The following ARHGAP24 variants were observed in gnomAD, a reference collection of about 807,000 sequenced individuals.
The protein encoded by ARHGAP24 is Rho GTPase activating protein 24, also known as rho GTPase-activating protein 24.
Under a neutral mutation model 76.4 loss-of-function variants are expected in ARHGAP24, and 50 were observed. That is an observed-to-expected ratio of 0.65 (90% confidence interval 0.52 to 0.83). The LOEUF (loss-of-function observed/expected upper bound fraction) is 0.83. Among genes scored for constraint, ARHGAP24 ranks in the 40% least tolerant of loss-of-function variants. ARHGAP24 has a pLI of 0.00. For synonymous variants in ARHGAP24, 345 were observed against 323.3 expected, an observed-to-expected ratio of 1.07 and a Z score of -0.72; for missense variants, 930 against 914.2, an observed-to-expected ratio of 1.02 and a Z score of -0.22.
intron 1 of ARHGAP24, among the ~76,000 whole-genome samples, chr4:85,487,841 TA>T (rs1406621328): frequency 1.6e-5 from 2 of 122,864 alleles, no homozygotes; most frequent in South Asian, 2.2e-4. Context: ...ACATATTATA[TA>T]AATATATATT....
chr4:85,550,519 G>T (rs1245482846), intron 1 of ARHGAP24, among the ~76,000 whole-genome samples: 2 of 152,136 alleles, frequency 1.3e-5, no homozygotes, highest in African/African-American at 4.8e-5. Context: ...GGTTGTCTTG[G>T]CTATTAAATC....
rs1739234636 is a variant in ARHGAP24, at chr4:85,974,903, G to A, written c.748G>A (p.Ala250Thr). The part of the protein sequence containing the change: ...KEEEAGVKEL[A>T]KQVKSLPVVN... ...TTGTACTCAGGGTGTTAAGGAATTA[G>A]CAAAGCAGGTGAAGAGTTTGCCAGT... The change falls in exon 7 of 10, where the codon GCA becomes ACA. Residue 250 changes from alanine (A) to threonine (T), a missense_variant. By Grantham distance (58) the Ala-to-Thr change is moderately conservative (BLOSUM62 0). Coordinates refer to ENST00000395184, the MANE Select transcript of ARHGAP24 (RefSeq NM_001025616.3). 2.5e-6 allele frequency: 4 copies of A among 1,613,806 alleles called. No homozygotes were observed. In the South Asian group the frequency reaches 3.3e-5, roughly 13 times the overall value.
chr4:85,945,799 CT>C (rs1478481763), intron 5 of ARHGAP24, among the ~76,000 whole-genome samples: 1 of 150,680 alleles, frequency 6.6e-6, no homozygotes, highest in Non-Finnish European at 1.5e-5. Context: ...AAAAGAAACA[CT>C]TTTAAAATTA....
At chr4:85,946,414 G>T (rs1025376698) in intron 5 of ARHGAP24, among the ~76,000 whole-genome samples, 1 of 152,192 alleles carries the variant, frequency 6.6e-6, no homozygotes, top group Non-Finnish European at 1.5e-5. Flanking sequence ...GAGGAGGAAT[G>T]AATCTGTAAC....
At chr4:85,825,465 G>A (rs555628777) in intron 3 of ARHGAP24, among the ~76,000 whole-genome samples, 1 of 152,086 alleles carries the variant, frequency 6.6e-6, no homozygotes, top group African/African-American at 2.4e-5. Context: ...CTGCTACATC[G>A]AAGGTCAAGA....
At position 85,590,428 on chromosome 4, in the gene ARHGAP24, C is replaced by T. The variant is rs151104602; in HGVS notation, c.180+19707C>T. Reference sequence around the variant, plus strand: ...AGGCTGGAGTGCAGTGGTGAGATCTCGGCTCATTGCAACCTTTGCCTCCTG... The same window carrying T: ...AGGCTGGAGTGCAGTGGTGAGATCTTGGCTCATTGCAACCTTTGCCTCCTG... On this transcript the variant is annotated intron_variant, in intron 2 of 9. Transcript: ENST00000395184. Among the ~76,000 whole-genome samples the T allele has an allele frequency of 8.6e-3, 1,291 of 150,410 alleles. 21 individuals are homozygous for T. The highest frequency in any genetic ancestry group is 0.03 in the African/African-American group (1,229 of 40,880).
chr4:85,942,044 A>G (rs1482374799), intron 4 of ARHGAP24, 22 bp from the exon 5 acceptor site: 2 of 1,598,286 alleles, frequency 1.3e-6, no homozygotes, highest in Non-Finnish European at 1.7e-6. Flanking sequence ...TCCCAAGTTT[A>G]CTGTGATCCT....
chr4:85,681,979 A>G (rs1723218942), intron 2 of ARHGAP24, among the ~76,000 whole-genome samples: 2 of 152,210 alleles, frequency 1.3e-5, no homozygotes, highest in South Asian at 4.1e-4. Flanking sequence ...TATTATCCTC[A>G]TTTTACAGAT....
At chr4:85,554,388 TA>T (rs933795365) in intron 1 of ARHGAP24, among the ~76,000 whole-genome samples, 4 of 152,228 alleles carry the variant, frequency 2.6e-5, no homozygotes, top group African/African-American at 9.6e-5. Flanking sequence ...GATAATATCT[TA>T]AAATATGTTT....
intron 1 of ARHGAP24, among the ~76,000 whole-genome samples, chr4:85,520,376 T>C (rs1009548229): frequency 6.6e-6 from 1 of 152,102 alleles, no homozygotes; most frequent in African/African-American, 2.4e-5. Flanking sequence ...CTGAGGTATA[T>C]TGTCTAACTC....
Position 85,721,928 on chromosome 4 carries a change from G to A in ARHGAP24, c.224G>A (p.Cys75Tyr). The A allele has an allele frequency of 6.2e-7, 1 of 1,613,474 alleles. No individual in the cohort carries two copies. Among genetic ancestry groups the A allele is most frequent in the Non-Finnish European group, 8.5e-7 (1 of 1,179,640 alleles). ...LPGNKVSEHP[C>Y]NEENPGKFLF... ...GGAAATAAAGTTTCTGAGCATCCCT[G>A]CAATGAAGAGAACCCAGGGAAGTTC... The change falls in exon 3 of 10, where the codon TGC becomes TAC. Residue 75 changes from cysteine (C) to tyrosine (Y), a missense_variant. Coordinates refer to ENST00000395184, the MANE Select transcript of ARHGAP24 (RefSeq NM_001025616.3).
intron 2 of ARHGAP24, among the ~76,000 whole-genome samples, chr4:85,695,599 A>G (rs1045798726): frequency 2.6e-5 from 4 of 152,160 alleles, no homozygotes; most frequent in Admixed American, 2.6e-4. Context: ...TTTGATTGTC[A>G]CTGACCCTGA....
chr4:85,985,253 C>T (rs764545364), intron 8 of ARHGAP24, among the ~76,000 whole-genome samples: 3 of 152,084 alleles, frequency 2.0e-5, no homozygotes, highest in Non-Finnish European at 2.9e-5. Flanking sequence ...CAATGATAGA[C>T]TGGATAAAGA....
chr4:85,924,319 G>T (rs754223147), intron 4 of ARHGAP24, among the ~76,000 whole-genome samples: 1 of 151,894 alleles, frequency 6.6e-6, no homozygotes, highest in Non-Finnish European at 1.5e-5. Flanking sequence ...TGTCAAGAAC[G>T]AGCTAAAAAG....
chr4:85,476,574 C>G (rs1560501485), intron 1 of ARHGAP24, among the ~76,000 whole-genome samples: 1 of 152,110 alleles, frequency 6.6e-6, no homozygotes, highest in African/African-American at 2.4e-5. Context: ...GCTATGTCTA[C>G]TAAGTAAGAC....
chr4:85,627,273 G>A (rs1273127432), intron 2 of ARHGAP24, among the ~76,000 whole-genome samples: 1 of 152,042 alleles, frequency 6.6e-6, no homozygotes, highest in Non-Finnish European at 1.5e-5. Flanking sequence ...CTTTCTTTTT[G>A]TTAGTTTTCC....
At chr4:85,963,901 T>C (rs1388372569) in intron 5 of ARHGAP24, among the ~76,000 whole-genome samples, 1 of 152,122 alleles carries the variant, frequency 6.6e-6, no homozygotes, top group Admixed American at 6.6e-5. Context: ...ATGTTTTTTT[T>C]CAACTTTTTT....
chr4:85,955,862 A>T (rs575791740), intron 5 of ARHGAP24, among the ~76,000 whole-genome samples: 1 of 152,334 alleles, frequency 6.6e-6, no homozygotes, highest in Non-Finnish European at 1.5e-5. Context: ...TATAGAGTTG[A>T]TGTGTAAAAT....
intron 3 of ARHGAP24, among the ~76,000 whole-genome samples, chr4:85,745,685 A>T (rs977270792): frequency 6.6e-6 from 1 of 152,130 alleles, no homozygotes; most frequent in Non-Finnish European, 1.5e-5. Context: ...AAAAGTGAAT[A>T]AAACATAGTC....
Sources: gnomAD v4.1 joint callset for allele counts (sites outside exome capture counted in the v4.1 genomes callset) on GRCh38, gnomAD v4.1.1 for gene constraint, MANE v1.5 for transcripts, NCBI Gene and HGNC (gene_info 2026-07-23, HGNC 2026-07-21) for gene names.